SLC4A5: variants seen among roughly 807,000 people sequenced by gnomAD.
SLC4A5 encodes solute carrier family 4 member 5, also known as electrogenic sodium bicarbonate cotransporter 4.
SLC4A5 carries 96 observed loss-of-function variants against 120.4 expected under a neutral mutation model. The ratio of observed to expected loss-of-function variants is 0.80; its 90% CI spans 0.68 to 0.94. The LOEUF (loss-of-function observed/expected upper bound fraction) is 0.94. SLC4A5 is among the 40% of genes least tolerant of loss of function. The pLI is 0.00. For synonymous variants in SLC4A5, 550 were observed against 571.1 expected (o/e 0.96, Z 0.53); for missense variants, 1,259 against 1,459.5 (o/e 0.86, Z 2.24).
intron 8 of SLC4A5, among the ~76,000 whole-genome samples, chr2:74,266,262 C>T (rs1671299282): frequency 6.6e-6 from 1 of 152,038 alleles, no homozygotes; most frequent in Non-Finnish European, 1.5e-5. Flanking sequence ...ACCTGTATAT[C>T]CATGGGAATT....
intron 8 of SLC4A5, 44 bp downstream of exon 8, chr2:74,285,729 T>C: frequency 6.3e-7 from 1 of 1,599,208 alleles, no homozygotes; most frequent in Non-Finnish European, 8.5e-7. Flanking sequence ...GCCCAGGCTG[T>C]GTGAGACTGA....
intron 8 of SLC4A5, among the ~76,000 whole-genome samples, chr2:74,282,584 A>T (rs1180095976): frequency 6.6e-6 from 1 of 152,244 alleles, no homozygotes; most frequent in Non-Finnish European, 1.5e-5. Flanking sequence ...TTCTAGAAAC[A>T]TCCTCATCTA....
At chr2:74,227,418 A>C in intron 26 of SLC4A5, 1 of 1,486,940 alleles carries the variant, frequency 6.7e-7, no homozygotes, top group East Asian at 2.3e-5. Flanking sequence ...AAACTGTTTA[A>C]GAATTCTGGG....
At chr2:74,307,486 A>G (rs979812789) in intron 6 of SLC4A5, 4 of 623,044 alleles carry the variant, frequency 6.4e-6, no homozygotes, top group Admixed American at 5.6e-5. Context: ...CTCTCTACAG[A>G]CTAGCGCATG....
exon 31 of SLC4A5, chr2:74,218,298 G>A (rs1694507656): frequency 6.6e-6 from 1 of 152,036 alleles, no homozygotes; most frequent in Admixed American, 6.5e-5. Context: ...ATTGATATTT[G>A]TTTTAAATAT....
At chr2:74,227,488 AAGAG>A in intron 26 of SLC4A5, 1 of 1,603,366 alleles carries the variant, frequency 6.2e-7, no homozygotes. Flanking sequence ...TGCCTTAGGG[AAGAG>A]AGAGAGGTAC....
At chr2:74,247,993 C>A (rs1670669764) in intron 18 of SLC4A5, among the ~76,000 whole-genome samples, 1 of 152,152 alleles carries the variant, frequency 6.6e-6, no homozygotes, top group South Asian at 2.1e-4. Context: ...GAGGAGGCAA[C>A]TGAGCCTGGA....
At chr2:74,334,649 T>C (rs1673439990) in intron 3 of SLC4A5, among the ~76,000 whole-genome samples, 1 of 152,186 alleles carries the variant, frequency 6.6e-6, no homozygotes, top group Non-Finnish European at 1.5e-5. Context: ...CACTGATGTA[T>C]CTCTGATACC....
chr2:74,233,627 T>C, intron 22 of SLC4A5, 64 bp from the exon 23 acceptor site: 1 of 1,501,462 alleles, frequency 6.7e-7, no homozygotes, highest in East Asian at 2.4e-5. Context: ...ACTTGTCGCC[T>C]GGCCTGCTGT....
intron 5 of SLC4A5, among the ~76,000 whole-genome samples, chr2:74,320,828 G>C (rs1673077545): frequency 6.6e-6 from 1 of 152,098 alleles, no homozygotes. Context: ...AAAAAAACCT[G>C]GATCTGAAAA....
intron 26 of SLC4A5, 112 bp from the exon 27 acceptor site, chr2:74,227,242 C>A: frequency 7.9e-7 from 1 of 1,267,902 alleles, no homozygotes. Context: ...AAGCCCCCTG[C>A]TCAGGCCTTA....
Position 74,314,844 on chromosome 2 carries a change from C to T in SLC4A5, c.79+101G>A, listed in dbSNP as rs1672913611. ...ACTGTGGATGAGTCAGGAAAAGGGACCTGCTCCCTAGACTCTCCTGCTGAA... is the reference window on the plus strand; with the variant it reads ...ACTGTGGATGAGTCAGGAAAAGGGATCTGCTCCCTAGACTCTCCTGCTGAA... On this transcript the variant is annotated intron_variant, in intron 6 of 30. Transcript: ENST00000394019. 2.8e-6 allele frequency: 3 copies of T among 1,085,930 alleles called. No homozygotes were observed. In the Admixed American group the frequency reaches 5.2e-5, roughly 19 times the overall value. The allele number at this position is 1,085,930 out of a possible 1,614,324, so 67.3% of individuals were successfully genotyped here.
At chr2:74,336,678 T>C (rs1357402337) in intron 3 of SLC4A5, among the ~76,000 whole-genome samples, 1 of 152,220 alleles carries the variant, frequency 6.6e-6, no homozygotes, top group African/African-American at 2.4e-5. Flanking sequence ...CTGGCTGCCC[T>C]GGCCTGGGGG....
rs541754614 is a variant in SLC4A5 at position 74,277,321 on chromosome 2, G to A, written c.401+8452C>T. Among the ~76,000 whole-genome samples the A allele has an allele frequency of 7.2e-5, 11 of 152,152 alleles. No individual in the cohort carries two copies. In the East Asian group the frequency reaches 1.5e-3, roughly 21 times the overall value. Reference sequence around the variant, plus strand: ...TCCCAGCACTTTGGGAGGCTGAGGCGGGTGGATCACCTGAGGCCAGGAGTT... The same window carrying A: ...TCCCAGCACTTTGGGAGGCTGAGGCAGGTGGATCACCTGAGGCCAGGAGTT... On this transcript the variant is annotated intron_variant, in intron 8 of 30. Transcript: ENST00000394019.
chr2:74,336,262 T>C (rs1202137203), intron 3 of SLC4A5, among the ~76,000 whole-genome samples: 1 of 151,862 alleles, frequency 6.6e-6, no homozygotes, highest in Non-Finnish European at 1.5e-5. Flanking sequence ...AGAGATGAGG[T>C]CTCAATATGT....
At chr2:74,335,764 C>A (rs927148168) in intron 3 of SLC4A5, among the ~76,000 whole-genome samples, 1 of 152,154 alleles carries the variant, frequency 6.6e-6, no homozygotes, top group African/African-American at 2.4e-5. Flanking sequence ...TAGAAATAAA[C>A]TCGCCTAGAA....
At chr2:74,269,206 C>A (rs960912289) in intron 8 of SLC4A5, among the ~76,000 whole-genome samples, 14 of 151,844 alleles carry the variant, frequency 9.2e-5, no homozygotes, top group African/African-American at 3.4e-4. Context: ...AGGATAAGTT[C>A]AAAATTTTTT....
intron 7 of SLC4A5, among the ~76,000 whole-genome samples, chr2:74,287,732 C>T (rs1169871591): frequency 6.6e-6 from 1 of 152,186 alleles, no homozygotes; most frequent in Non-Finnish European, 1.5e-5. Flanking sequence ...GGCATGAAAT[C>T]CATCAACATC....
At chr2:74,290,916 T>A (rs1451596406) in intron 7 of SLC4A5, among the ~76,000 whole-genome samples, 1 of 152,022 alleles carries the variant, frequency 6.6e-6, no homozygotes, top group African/African-American at 2.4e-5. Flanking sequence ...AGGGGTAGGA[T>A]GTGCTGTGAG....
Sources: gnomAD v4.1 joint callset for allele counts (sites outside exome capture counted in the v4.1 genomes callset) on GRCh38, gnomAD v4.1.1 for gene constraint, MANE v1.5 for transcripts, NCBI Gene and HGNC (gene_info 2026-07-23, HGNC 2026-07-21) for gene names.